Variants in CNTNAP2 observed in about 807,000 individuals in gnomAD.
The protein encoded by CNTNAP2 is contactin-associated protein-like 2.
CNTNAP2 carries 98 observed loss-of-function variants against 155.2 expected under a neutral mutation model. That is an observed-to-expected ratio of 0.63 (90% CI 0.54 to 0.75). The LOEUF is 0.75. Ranked by LOEUF, CNTNAP2 falls within the 30% of genes least tolerant of loss-of-function variation. The pLI is 0.00. For missense variants in CNTNAP2, 1,727 were observed against 1,688.1 expected (o/e 1.02, Z -0.40); for synonymous variants, 651 against 631.2 (o/e 1.03, Z -0.47).
rs1370169859 is a variant in CNTNAP2 at position 146,218,532 on chromosome 7, C to CAA, written c.97+101561_97+101562dup. Among the ~76,000 whole-genome samples, 39 of 74,954 alleles carry CAA rather than the reference C, an allele frequency of 5.2e-4. 1 individual carries two copies. In the South Asian group the frequency reaches 8.4e-3, roughly 16 times the overall value. 49.2% of individuals were successfully genotyped at this position (74,954 alleles called of 152,430 possible). The stretch of plus-strand genomic sequence containing the variant: ...TCAAAAACAAAAACAAAAACAAAAA[C>CAA]AAACAAACAAAAAAAATTGCCATCA... On this transcript the variant is annotated intron_variant, in intron 1 of 23. Transcript: ENST00000361727.
chr7:147,975,026 A>ATATAATACAATTTTTTGTATTATG (rs1563154332), intron 14 of CNTNAP2, among the ~76,000 whole-genome samples: 4 of 137,042 alleles, frequency 2.9e-5, no homozygotes, highest in Admixed American at 7.7e-5. Flanking sequence ...TTTGTATTAC[A>ATATAATACAATTTTTTGTATTATG]TATAATACAA....
chr7:146,211,608 A>G (rs2116883866), intron 1 of CNTNAP2, among the ~76,000 whole-genome samples: 1 of 152,256 alleles, frequency 6.6e-6, no homozygotes, highest in Middle Eastern at 3.4e-3. Flanking sequence ...CAGAATTTTT[A>G]AAGAGATATT....
chr7:148,174,420 G>GC (rs34650446), intron 18 of CNTNAP2, among the ~76,000 whole-genome samples: 20 of 151,128 alleles, frequency 1.3e-4, no homozygotes, highest in East Asian at 5.8e-4. Context: ...TCCTGTGACC[G>GC]CCCCCCACCT....
chr7:147,939,197 A>G (rs1162568370), intron 14 of CNTNAP2, among the ~76,000 whole-genome samples: 4 of 152,096 alleles, frequency 2.6e-5, no homozygotes, highest in Non-Finnish European at 5.9e-5. Flanking sequence ...CCAGAAACCT[A>G]AAAAATAGGG....
intron 1 of CNTNAP2, among the ~76,000 whole-genome samples, chr7:146,558,510 G>A (rs1036964055): frequency 6.6e-6 from 1 of 152,030 alleles, no homozygotes; most frequent in African/African-American, 2.4e-5. Context: ...GACCCTTGAA[G>A]CCATCACCAC....
At chr7:147,295,055 G>C (rs1805407810) in intron 8 of CNTNAP2, among the ~76,000 whole-genome samples, 1 of 152,116 alleles carries the variant, frequency 6.6e-6, no homozygotes, top group African/African-American at 2.4e-5. Context: ...TAGATACACT[G>C]TCTCCTATCT....
chr7:146,961,876 A>T (rs1200326916), intron 3 of CNTNAP2, among the ~76,000 whole-genome samples: 2 of 152,158 alleles, frequency 1.3e-5, no homozygotes, highest in Admixed American at 1.3e-4. Flanking sequence ...TGAAATCACC[A>T]TGGTGCCAGG....
chr7:146,979,494 C>T (rs1797974361), intron 3 of CNTNAP2, among the ~76,000 whole-genome samples: 1 of 152,148 alleles, frequency 6.6e-6, no homozygotes, highest in Admixed American at 6.5e-5. Flanking sequence ...ACATTTCATT[C>T]CATGTTTTTC....
intron 1 of CNTNAP2, among the ~76,000 whole-genome samples, chr7:146,231,234 A>G (rs1024668463): frequency 6.6e-6 from 1 of 152,050 alleles, no homozygotes; most frequent in African/African-American, 2.4e-5. Context: ...AGGAGTTCTG[A>G]CCCTGCAACA....
chr7:146,927,421 C>A (rs898275938), intron 3 of CNTNAP2, among the ~76,000 whole-genome samples: 1 of 151,942 alleles, frequency 6.6e-6, no homozygotes, highest in Non-Finnish European at 1.5e-5. Flanking sequence ...TGCAGTTTCT[C>A]CAGAATTAGA....
intron 10 of CNTNAP2, among the ~76,000 whole-genome samples, chr7:147,399,055 T>C (rs552992968): frequency 2.3e-4 from 35 of 152,106 alleles, no homozygotes; most frequent in Admixed American, 1.0e-3. Flanking sequence ...AATGTACTAA[T>C]GCAGGGAAAG....
intron 4 of CNTNAP2, among the ~76,000 whole-genome samples, chr7:147,095,186 A>AT (rs36113270): frequency 0.11 from 13,107 of 114,462 alleles, 1,359 homozygotes; most frequent in African/African-American, 0.25. Flanking sequence ...CGCCTGGCTA[A>AT]TTTTTTTTTT....
At chr7:147,009,125 CACAA>C (rs1349963336) in intron 3 of CNTNAP2, among the ~76,000 whole-genome samples, 1 of 152,008 alleles carries the variant, frequency 6.6e-6, no homozygotes, top group African/African-American at 2.4e-5. Context: ...CAAACACATA[CACAA>C]ACATACATAT....
chr7:146,458,121 A>G (rs1414271162), intron 1 of CNTNAP2, among the ~76,000 whole-genome samples: 1 of 152,104 alleles, frequency 6.6e-6, no homozygotes, highest in Admixed American at 6.6e-5. Context: ...ATGGAGGGGA[A>G]CAACACACAC....
intron 15 of CNTNAP2, among the ~76,000 whole-genome samples, chr7:148,117,395 C>T (rs1035500463): frequency 3.3e-5 from 5 of 152,158 alleles, no homozygotes; most frequent in Non-Finnish European, 7.4e-5. Context: ...GAGGAAACTG[C>T]CCTAGCCTAG....
chr7:147,744,845 G>C (rs1247023133), intron 13 of CNTNAP2, among the ~76,000 whole-genome samples: 5 of 152,072 alleles, frequency 3.3e-5, no homozygotes, highest in Non-Finnish European at 7.4e-5. Flanking sequence ...TCATTTAACT[G>C]TAATTGCCTC....
chr7:147,936,600 C>T (rs1247606276), intron 14 of CNTNAP2, among the ~76,000 whole-genome samples: 1 of 152,046 alleles, frequency 6.6e-6, no homozygotes, highest in African/African-American at 2.4e-5. Context: ...ATTCATTTAT[C>T]CCTCCCCTCC....
chr7:147,532,045 G>A (rs1799444214), intron 11 of CNTNAP2, among the ~76,000 whole-genome samples: 2 of 152,066 alleles, frequency 1.3e-5, no homozygotes, highest in South Asian at 4.1e-4. Context: ...CTGACCTTGT[G>A]ATCTGCCCGC....
At chr7:147,619,000 A>G (rs1801344972) in intron 12 of CNTNAP2, among the ~76,000 whole-genome samples, 1 of 152,238 alleles carries the variant, frequency 6.6e-6, no homozygotes, top group South Asian at 2.1e-4. Context: ...AGACAGGAAC[A>G]GGTCTCCAGA....
Sources: gnomAD v4.1 joint callset for allele counts (sites outside exome capture counted in the v4.1 genomes callset) on GRCh38, gnomAD v4.1.1 for gene constraint, MANE v1.5 for transcripts, NCBI Gene and HGNC (gene_info 2026-07-23, HGNC 2026-07-21) for gene names.